PCDH15: variants seen among roughly 807,000 people sequenced by gnomAD.
PCDH15 encodes protocadherin-15.
Under a neutral mutation model 178.5 loss-of-function variants are expected in PCDH15, and 129 were observed. The observed-to-expected ratio is 0.72, with a 90% CI of 0.63 to 0.84. The LOEUF is 0.84. PCDH15 is among the 40% of genes least tolerant of loss of function. PCDH15 has a pLI of 0.00. For missense variants in PCDH15, 2,230 were observed against 2,099.9 expected, an observed-to-expected ratio of 1.06 and a Z score of -1.21; for synonymous variants, 800 against 732.0, an observed-to-expected ratio of 1.09 and a Z score of -1.50.
At chr10:53,866,466 T>C (rs2079459380) in intron 27 of PCDH15, among the ~76,000 whole-genome samples, 176 bp downstream of exon 27, 1 of 149,498 alleles carries the variant, frequency 6.7e-6, no homozygotes, top group Non-Finnish European at 1.5e-5. Context: ...TATATATATA[T>C]ATGAACAATA....
intron 2 of PCDH15, among the ~76,000 whole-genome samples, chr10:55,562,113 G>C (rs1842212220): frequency 6.6e-6 from 1 of 151,858 alleles, no homozygotes; most frequent in Non-Finnish European, 1.5e-5. Context: ...AGCAACATTT[G>C]TGAATTTATT....
rs752608084 is a variant in PCDH15, at chr10:54,153,139, G to A, written c.1745C>T (p.Thr582Met). The A allele has an allele frequency of 1.9e-6, 3 of 1,613,832 alleles. No homozygotes were observed. The highest frequency in any genetic ancestry group is 2.5e-6 in the Non-Finnish European group (3 of 1,179,842). Residue 582 changes from threonine (T) to methionine (M), a missense_variant, in exon 14 of 38, where the codon ACG (threonine) becomes ATG (methionine). Thr to Met is a moderately conservative substitution (Grantham distance 81, BLOSUM62 -1). Coordinates refer to ENST00000644397, the MANE Select transcript of PCDH15 (RefSeq NM_001384140.1). The part of the protein sequence containing the change: ...EMIVGRTYAL[T>M]VQAADNAPPA... ...AGGAGCATTATCCGCTGCTTGGACC[G>A]TGAGTGCGTAAGTCCGCCCGACTAT...
intron 2 of PCDH15, among the ~76,000 whole-genome samples, chr10:54,936,917 C>T (rs898217837): frequency 2.0e-5 from 3 of 151,842 alleles, no homozygotes; most frequent in East Asian, 1.9e-4. Context: ...TAATTAATCA[C>T]ATAATCCAAA....
At chr10:54,368,445 T>G (rs1290880476) in intron 5 of PCDH15, among the ~76,000 whole-genome samples, 1 of 151,964 alleles carries the variant, frequency 6.6e-6, no homozygotes, top group Admixed American at 6.6e-5. Context: ...TCTAGAAATA[T>G]TTTGTAGCTT....
intron 17 of PCDH15, among the ~76,000 whole-genome samples, chr10:54,078,759 T>TC (rs1260465128): frequency 6.7e-6 from 1 of 150,364 alleles, no homozygotes; most frequent in Admixed American, 6.6e-5. Flanking sequence ...TAACAATTTT[T>TC]TTTTTTTAAA....
chr10:54,526,846 A>G (rs1453743356), intron 3 of PCDH15, among the ~76,000 whole-genome samples: 15 of 152,196 alleles, frequency 9.9e-5, no homozygotes. Context: ...AGCAAAATCA[A>G]TCATGAAGAA....
rs181790894 is a variant in PCDH15 at position 54,131,875 on chromosome 10, T to C, written c.1917+1000A>G. Among the ~76,000 whole-genome samples the C allele has an allele frequency of 5.4e-4, 82 of 152,334 alleles. No homozygotes were observed. The East Asian group carries it at 0.011, about 21-fold the overall frequency. On this transcript the variant is annotated intron_variant, in intron 15 of 37. Transcript: ENST00000644397. The stretch of plus-strand genomic sequence containing the variant: ...CATCATTTTCAATACAAACATTCTA[T>C]GAAATCTTCACTTTTATATCATCCG...
chr10:54,170,644 C>A (rs546142314), intron 13 of PCDH15, among the ~76,000 whole-genome samples: 1 of 151,388 alleles, frequency 6.6e-6, no homozygotes, highest in Non-Finnish European at 1.5e-5. Context: ...CCACACCTGA[C>A]CCCCATGACT....
chr10:54,135,234 A>G (rs911484196), intron 14 of PCDH15, among the ~76,000 whole-genome samples: 3 of 152,010 alleles, frequency 2.0e-5, no homozygotes, highest in Non-Finnish European at 4.4e-5. Flanking sequence ...GCTTACATTT[A>G]TCATGATATT....
chr10:54,436,031 G>GAAA (rs1554969674), intron 3 of PCDH15, among the ~76,000 whole-genome samples: 4 of 34,600 alleles, frequency 1.2e-4, no homozygotes, highest in African/African-American at 5.6e-4. Context: ...GGAGAGGAGA[G>GAAA]GAGAGAGAGA....
At chr10:54,728,314 A>T (rs1199340285) in intron 1 of PCDH15, among the ~76,000 whole-genome samples, 1 of 151,544 alleles carries the variant, frequency 6.6e-6, no homozygotes, top group Non-Finnish European at 1.5e-5. Flanking sequence ...GATCCATCGT[A>T]TAAACAGAAC....
At chr10:55,362,766 T>C (rs1428024170) in intron 2 of PCDH15, among the ~76,000 whole-genome samples, 1 of 152,128 alleles carries the variant, frequency 6.6e-6, no homozygotes, top group Non-Finnish European at 1.5e-5. Context: ...CGTGATGTCC[T>C]TTAACAGCCA....
chr10:53,858,280 CAT>C lies in PCDH15; in HGVS notation c.3718-1019_3718-1018del, dbSNP rs372648308. ...TAGGGAGTAATTTCACATTGCCACA[CAT>C]GTTTTTATAGGCTCCAGATTCTTTA... On this transcript the variant is annotated intron_variant, in intron 27 of 37. Transcript: ENST00000644397. Among the ~76,000 whole-genome samples the C allele has an allele frequency of 7.2e-3, 1,090 of 152,234 alleles. 10 individuals carry two copies. Among genetic ancestry groups the C allele is most frequent in the African/African-American group, 0.025 (1,030 of 41,560 alleles).
At chr10:55,422,068 C>A (rs1384092374) in intron 2 of PCDH15, among the ~76,000 whole-genome samples, 1 of 151,686 alleles carries the variant, frequency 6.6e-6, no homozygotes, top group Non-Finnish European at 1.5e-5. Context: ...AACTTTTAGA[C>A]AATATGCATT....
intron 20 of PCDH15, among the ~76,000 whole-genome samples, chr10:54,011,742 G>A (rs368135795): frequency 6.6e-6 from 1 of 152,202 alleles, no homozygotes; most frequent in Non-Finnish European, 1.5e-5. Flanking sequence ...ACAAATAAAG[G>A]TCATGCACAA....
intron 20 of PCDH15, among the ~76,000 whole-genome samples, chr10:54,003,226 C>A (rs1437549145): frequency 6.6e-6 from 1 of 151,228 alleles, no homozygotes; most frequent in African/African-American, 2.4e-5. Flanking sequence ...AGGCTGAAGC[C>A]AAAATTAGTA....
chr10:55,015,284 G>A (rs1840144384), intron 2 of PCDH15, among the ~76,000 whole-genome samples: 1 of 151,598 alleles, frequency 6.6e-6, no homozygotes, highest in Non-Finnish European at 1.5e-5. Context: ...TTCTTGGCCA[G>A]TAGGCTCCAC....
At chr10:54,037,564 T>C (rs1439450944) in intron 18 of PCDH15, among the ~76,000 whole-genome samples, 1 of 151,954 alleles carries the variant, frequency 6.6e-6, no homozygotes, top group Non-Finnish European at 1.5e-5. Context: ...CTAATTGCAG[T>C]ATGGAGTATA....
At chr10:54,197,620 A>T (rs1043062567) in intron 10 of PCDH15, among the ~76,000 whole-genome samples, 14 of 152,100 alleles carry the variant, frequency 9.2e-5, no homozygotes, top group African/African-American at 3.4e-4. Flanking sequence ...TCAGCTAGAG[A>T]TCTCTAACTG....
Sources: gnomAD v4.1 joint callset for allele counts (sites outside exome capture counted in the v4.1 genomes callset) on GRCh38, gnomAD v4.1.1 for gene constraint, MANE v1.5 for transcripts, NCBI Gene and HGNC (gene_info 2026-07-23, HGNC 2026-07-21) for gene names.